Variants in BCO1 observed in about 807,000 individuals in gnomAD.
BCO1 encodes beta,beta-carotene 15,15'-dioxygenase.
A neutral mutation model predicts 56.3 loss-of-function variants in BCO1; 54 were observed. The observed-to-expected ratio is 0.96, with a 90% CI of 0.77 to 1.20. BCO1 has a LOEUF of 1.20. BCO1 is among the 50% of genes most tolerant of loss of function. The pLI, the probability that BCO1 is intolerant of heterozygous loss-of-function variation, is 0.00. For synonymous variants in BCO1, 318 were observed against 266.1 expected (o/e 1.20, Z -1.90); for missense variants, 801 against 690.9 (o/e 1.16, Z -1.79).
intron 4 of BCO1, chr16:81,262,639 C>A (rs1450811034): frequency 5.9e-6 from 2 of 339,528 alleles, no homozygotes; most frequent in Non-Finnish European, 1.2e-5. Context: ...ACCAGCCTGG[C>A]CAACATGGTG....
chr16:81,246,850 CAA>C (rs71710906), intron 2 of BCO1, among the ~76,000 whole-genome samples: 3,551 of 83,292 alleles, frequency 0.043, 90 homozygotes, highest in African/African-American at 0.1. Flanking sequence ...GACTTTGTCT[CAA>C]AAAAAAAAAA....
At chr16:81,259,904 T>C (rs2151935736) in intron 3 of BCO1, 99 bp downstream of exon 3, 6 of 1,498,870 alleles carry the variant, frequency 4.0e-6, no homozygotes, top group Non-Finnish European at 5.6e-6. Flanking sequence ...CTCTTTAGGG[T>C]AGATGAAAAC....
At chr16:81,289,927 C>G (rs986337942) in intron 10 of BCO1, among the ~76,000 whole-genome samples, 1 of 152,194 alleles carries the variant, frequency 6.6e-6, no homozygotes, top group Non-Finnish European at 1.5e-5. Flanking sequence ...TGCAATGGCA[C>G]GATCTCGGCT....
intron 6 of BCO1, among the ~76,000 whole-genome samples, chr16:81,268,716 C>A (rs924267673): frequency 6.6e-6 from 1 of 152,134 alleles, no homozygotes; most frequent in African/African-American, 2.4e-5. Context: ...TGTATGAATA[C>A]ATGTACGTGT....
At chr16:81,260,758 C>T (rs1906435593) in intron 3 of BCO1, among the ~76,000 whole-genome samples, 1 of 152,198 alleles carries the variant, frequency 6.6e-6, no homozygotes, top group Non-Finnish European at 1.5e-5. Flanking sequence ...ATCCACCCAC[C>T]TTGGCATCCC....
At chr16:81,276,167 T>C (rs1035029261) in intron 7 of BCO1, among the ~76,000 whole-genome samples, 2 of 152,198 alleles carry the variant, frequency 1.3e-5, no homozygotes, top group Non-Finnish European at 2.9e-5. Flanking sequence ...ACCCGCTAGG[T>C]GCCAGGCTCT....
chr16:81,249,047 G>A (rs1905611819), intron 2 of BCO1, among the ~76,000 whole-genome samples: 1 of 151,454 alleles, frequency 6.6e-6, no homozygotes, highest in Non-Finnish European at 1.5e-5. Context: ...CTTCCATGAG[G>A]CCTTGCTTCC....
chr16:81,273,094 C>G (rs1265540802), intron 7 of BCO1, among the ~76,000 whole-genome samples: 1 of 152,130 alleles, frequency 6.6e-6, no homozygotes, highest in Admixed American at 6.6e-5. Context: ...CTCAGTTTCC[C>G]AAGAAGCTGG....
chr16:81,258,342 G>T (rs527315903), intron 2 of BCO1, among the ~76,000 whole-genome samples: 1 of 152,198 alleles, frequency 6.6e-6, no homozygotes, highest in African/African-American at 2.4e-5. Flanking sequence ...TATGCCATGA[G>T]TTAGACTCTC....
intron 5 of BCO1, among the ~76,000 whole-genome samples, chr16:81,265,172 A>T (rs1208220388): frequency 6.6e-6 from 1 of 151,410 alleles, no homozygotes; most frequent in Non-Finnish European, 1.5e-5. Flanking sequence ...CTATCCATCC[A>T]CCCACCTACC....
At chr16:81,239,682 G>A (rs953904948) in intron 1 of BCO1, among the ~76,000 whole-genome samples, 4 of 152,198 alleles carry the variant, frequency 2.6e-5, no homozygotes, top group Non-Finnish European at 5.9e-5. Context: ...ACACTTGCAG[G>A]GGATTGCAGA....
At chr16:81,255,382 G>A (rs1157552314) in intron 2 of BCO1, among the ~76,000 whole-genome samples, 1 of 152,150 alleles carries the variant, frequency 6.6e-6, no homozygotes, top group Non-Finnish European at 1.5e-5. Context: ...AAGTCTGCAG[G>A]GCTGTGAGTA....
intron 7 of BCO1, among the ~76,000 whole-genome samples, chr16:81,280,144 T>C (rs1440456106): frequency 6.6e-6 from 1 of 151,442 alleles, no homozygotes; most frequent in Non-Finnish European, 1.5e-5. Flanking sequence ...GAACCTGTAA[T>C]CCCAGCTACT....
In BCO1 at chr16:81,268,040, A is replaced by C; in HGVS notation, c.752A>C (p.Gln251Pro). Reference protein sequence around the residue: ...VTENYVIFLEQPFRLDILKMA... With the variant: ...VTENYVIFLEPPFRLDILKMA... ...GAGAACTATGTCATCTTCCTTGAGC[A>C]GCCTTTCAGGTTGGATATTCTCAAG... The change falls in exon 6 of 11, where the codon CAG becomes CCG. Residue 251 changes from glutamine to proline, a missense_variant. Gln to Pro is a moderately conservative substitution (Grantham distance 76). Transcript: ENST00000258168. 1 of 1,613,604 alleles carries C rather than the reference A, an allele frequency of 6.2e-7. No homozygotes were observed. Among genetic ancestry groups the C allele is most frequent in the South Asian group, 1.1e-5 (1 of 91,072 alleles).
chr16:81,259,280 G>C (rs1238838239), intron 2 of BCO1, among the ~76,000 whole-genome samples: 1 of 152,058 alleles, frequency 6.6e-6, no homozygotes, highest in East Asian at 1.9e-4. Flanking sequence ...GATCACCTGA[G>C]GTCAGGAGTT....
intron 8 of BCO1, among the ~76,000 whole-genome samples, chr16:81,283,657 T>C (rs1465128775): frequency 6.6e-6 from 1 of 152,084 alleles, no homozygotes; most frequent in Non-Finnish European, 1.5e-5. Flanking sequence ...TTTCATGCTT[T>C]CTCATTTGTG....
chr16:81,259,924 C>T (rs1199498295), intron 3 of BCO1, 119 bp downstream of exon 3: 3 of 1,279,450 alleles, frequency 2.3e-6, no homozygotes, highest in Non-Finnish European at 3.4e-6. Flanking sequence ...CTCCACATGA[C>T]TGCCCTTTAA....
At position 81,290,454 on chromosome 16, in the gene BCO1, C is replaced by T. The variant is rs760137851; in HGVS notation, c.1521C>T (p.Val507=). ...AATTGGCCCGTGCCTCTGTTGATGT[C>T]GATATGCACATGGATCTCCATGGAT... is the stretch of plus-strand genomic sequence containing the variant. ...FTELARASVD[V]DMHMDLHGLF... The change falls in exon 11 of 11, where the codon GTC becomes GTT. Residue 507 remains valine (V), a synonymous_variant. Coordinates refer to ENST00000258168, the MANE Select transcript of BCO1 (RefSeq NM_017429.3). 25 of 1,614,110 alleles carry T rather than the reference C, an allele frequency of 1.5e-5. No individual in the cohort carries two copies. Among genetic ancestry groups the T allele is most frequent in the Non-Finnish European group, 2.0e-5 (24 of 1,180,020 alleles).
chr16:81,275,230 C>T (rs1488290844), intron 7 of BCO1, among the ~76,000 whole-genome samples: 5 of 152,340 alleles, frequency 3.3e-5, no homozygotes, highest in African/African-American at 1.2e-4. Flanking sequence ...TTGCTTTCCC[C>T]TCTGTCTGAA....
Sources: gnomAD v4.1 joint callset for allele counts (sites outside exome capture counted in the v4.1 genomes callset) on GRCh38, gnomAD v4.1.1 for gene constraint, MANE v1.5 for transcripts, NCBI Gene and HGNC (gene_info 2026-07-23, HGNC 2026-07-21) for gene names.